DNAJA4: variants seen among roughly 807,000 people sequenced by gnomAD.
The protein encoded by DNAJA4 is dnaJ homolog subfamily A member 4.
DNAJA4 carries 32 observed loss-of-function variants against 39.7 expected under a neutral mutation model. The ratio of observed to expected loss-of-function variants is 0.81; its 90% CI spans 0.61 to 1.08. DNAJA4 has a LOEUF of 1.08. DNAJA4 is among the 50% of genes least tolerant of loss of function. The probability of loss-of-function intolerance (pLI) is 0.00; values close to 1 mark genes in which losing one functional copy is unlikely to be tolerated. For synonymous variants in DNAJA4, 184 were observed against 182.4 expected, an observed-to-expected ratio of 1.01 and a Z score of -0.07; for missense variants, 439 against 505.1, an observed-to-expected ratio of 0.87 and a Z score of 1.25.
At chr15:78,275,945 C>A (rs2049445365) in intron 5 of DNAJA4, among the ~76,000 whole-genome samples, 1 of 152,308 alleles carries the variant, frequency 6.6e-6, no homozygotes, top group Non-Finnish European at 1.5e-5. Flanking sequence ...AATAGTTCCC[C>A]TGATTTCACA....
intron 2 of DNAJA4, 48 bp from the exon 3 acceptor site, chr15:78,273,047 A>G (rs1410373769): frequency 9.3e-7 from 1 of 1,069,624 alleles, no homozygotes; most frequent in Non-Finnish European, 1.4e-6. Context: ...ATTTAATACA[A>G]TGGTATATTT....
At chr15:78,264,374 C>G, upstream of DNAJA4, 1 of 1,443,392 alleles carries the variant, frequency 6.9e-7, no homozygotes, top group South Asian at 1.4e-5. Flanking sequence ...GCCAAAGGAG[C>G]AGACGCCCGA....
At chr15:78,271,030 G>A (rs542932139) in intron 2 of DNAJA4, among the ~76,000 whole-genome samples, 9 of 151,290 alleles carry the variant, frequency 5.9e-5, no homozygotes, top group African/African-American at 1.5e-4. Flanking sequence ...CAGCCTGCAC[G>A]GCAGGGTGAG....
intron 1 of DNAJA4, among the ~76,000 whole-genome samples, chr15:78,265,186 C>T (rs906584873): frequency 3.9e-5 from 6 of 152,230 alleles, no homozygotes; most frequent in Admixed American, 3.9e-4. Flanking sequence ...TGGGTAGCCC[C>T]TGCCGTGCGC....
chr15:78,270,818 G>A (rs1310787531), intron 2 of DNAJA4, 141 bp downstream of exon 2: 3 of 926,490 alleles, frequency 3.2e-6, no homozygotes, highest in Non-Finnish European at 4.6e-6. Context: ...AGCACTTTGG[G>A]AGGCCAAGGT....
Position 78,281,820 on chromosome 15 carries a change from T to C in DNAJA4, c.*1360T>C, listed in dbSNP as rs1035360768. On this transcript the variant is annotated 3_prime_UTR_variant, in exon 7 of 7. Transcript: ENST00000394852. ...GAGGGTCAAAGTGCAGATCAGACCA[T>C]GCAGGTAAGGTGAACCAGCTGCACG... is the stretch of plus-strand genomic sequence containing the variant. 6.6e-6 allele frequency: 1 copy of C among 152,228 alleles called. No individual in the cohort carries two copies. Among genetic ancestry groups the C allele is most frequent in the Non-Finnish European group, 1.5e-5 (1 of 68,050 alleles). 9.4% of individuals were successfully genotyped at this position (152,228 alleles called of 1,614,324 possible).
chr15:78,264,556 G>A, upstream of DNAJA4: 8 of 1,223,040 alleles, frequency 6.5e-6, no homozygotes, highest in Non-Finnish European at 8.2e-6. Context: ...AGGAGCCGGT[G>A]GCTCTAGTGC....
chr15:78,277,776 T>G, intron 5 of DNAJA4: 1 of 326,222 alleles, frequency 3.1e-6, no homozygotes, highest in Non-Finnish European at 6.0e-6. Flanking sequence ...GGGAGCCAAA[T>G]GGAGTGAGGG....
intron 1 of DNAJA4, among the ~76,000 whole-genome samples, chr15:78,268,250 C>G (rs550616867): frequency 1.3e-5 from 2 of 152,300 alleles, no homozygotes; most frequent in South Asian, 2.1e-4. Context: ...GCAGCCTGGC[C>G]TAGTTGCTTT....
intron 1 of DNAJA4, chr15:78,265,509 G>A (rs1201957983): frequency 2.8e-6 from 2 of 702,204 alleles, no homozygotes; most frequent in African/African-American, 3.5e-5. Flanking sequence ...CCTGACATCA[G>A]CTTGTACTCA....
chr15:78,265,907 G>T, intron 1 of DNAJA4: 1 of 593,640 alleles, frequency 1.7e-6, no homozygotes, highest in Non-Finnish European at 3.0e-6. Context: ...CAAAATACCT[G>T]TCTGTGTTAG....
In DNAJA4 at chr15:78,276,431, C is replaced by G. The variant is rs147484967; in HGVS notation, c.877+703C>G. ...GGCCTGAGCTCAGCCCCCAACCCCC[C>G]TGTAGACACCAGGGCACTCATCTCC... On this transcript the variant is annotated intron_variant, in intron 5 of 6. Transcript: ENST00000394852. 2.1e-3 allele frequency among the ~76,000 whole-genome samples: 317 copies of G among 152,348 alleles called. 1 individual carries two copies. The highest frequency in any genetic ancestry group is 3.2e-3 in the Non-Finnish European group (219 of 68,034).
At chr15:78,271,292 A>T (rs1359760866) in intron 2 of DNAJA4, among the ~76,000 whole-genome samples, 3 of 151,986 alleles carry the variant, frequency 2.0e-5, no homozygotes, top group Admixed American at 6.6e-5. Flanking sequence ...CAGGCACCAG[A>T]GTGTGCTGAG....
Position 78,281,052 on chromosome 15 carries a change from C to T in DNAJA4, c.*592C>T, listed in dbSNP as rs2049640318. 6.5e-6 allele frequency: 1 copy of T among 153,396 alleles called. No homozygotes were observed. The allele number at this position is 153,396 out of a possible 1,614,324, so 9.5% of individuals were successfully genotyped here. On this transcript the variant is annotated 3_prime_UTR_variant, in exon 7 of 7. Coordinates refer to ENST00000394852, the MANE Select transcript of DNAJA4 (RefSeq NM_001130182.2). ...TTAGTTCCTACTGTTCTGTGCCCTT[C>T]AGTGGATGGAACGTGAGTGTCTGAT...
intron 1 of DNAJA4, among the ~76,000 whole-genome samples, chr15:78,267,124 TTGTGAGTGTGTA>T (rs901840402): frequency 2.3e-4 from 18 of 77,188 alleles, no homozygotes; most frequent in Middle Eastern, 8.3e-3. Flanking sequence ...TGCAGGCCTT[TTGTGAGTGTGTA>T]TGTGAGTGTG....
At chr15:78,274,125 G>C in intron 3 of DNAJA4, 72 bp from the exon 4 acceptor site, 2 of 1,468,358 alleles carry the variant, frequency 1.4e-6, no homozygotes, top group Non-Finnish European at 1.9e-6. Flanking sequence ...CTACCCTTCT[G>C]CCATGGCGCC....
At chr15:78,266,334 G>A (rs2049122613) in intron 1 of DNAJA4, 2 of 1,571,876 alleles carry the variant, frequency 1.3e-6, no homozygotes. Flanking sequence ...AGCTGAATAT[G>A]CTTTTGTTCT....
chr15:78,276,303 CTT>C (rs1317259910), intron 5 of DNAJA4, among the ~76,000 whole-genome samples: 1 of 152,246 alleles, frequency 6.6e-6, no homozygotes, highest in East Asian at 1.9e-4. Flanking sequence ...GTAAGAAAGA[CTT>C]TGCCTATCAG....
At chr15:78,266,639 C>T (rs1482388336) in intron 1 of DNAJA4, among the ~76,000 whole-genome samples, 1 of 152,170 alleles carries the variant, frequency 6.6e-6, no homozygotes, top group African/African-American at 2.4e-5. Flanking sequence ...TTCCAGGAGG[C>T]TGCCTCTGCC....
Sources: gnomAD v4.1 joint callset for allele counts (sites outside exome capture counted in the v4.1 genomes callset) on GRCh38, gnomAD v4.1.1 for gene constraint, MANE v1.5 for transcripts, NCBI Gene and HGNC (gene_info 2026-07-23, HGNC 2026-07-21) for gene names.